NTRK2: variants seen among roughly 807,000 people sequenced by gnomAD.
NTRK2 encodes the protein neurotrophic receptor tyrosine kinase 2, also known as BDNF/NT-3 growth factors receptor.
In NTRK2, 13 loss-of-function variants were observed where a neutral mutation model predicts 94.5. That is an observed-to-expected ratio of 0.14 (90% CI 0.09 to 0.22). The LOEUF (loss-of-function observed/expected upper bound fraction) is 0.22. Among genes scored for constraint, NTRK2 ranks in the 10% least tolerant of loss-of-function variants. The probability of loss-of-function intolerance (pLI) is 1.00; values close to 1 mark genes in which losing one functional copy is unlikely to be tolerated. For missense variants in NTRK2, 639 were observed against 1,071.2 expected, an observed-to-expected ratio of 0.60 and a Z score of 5.63; for synonymous variants, 372 against 407.4, an observed-to-expected ratio of 0.91 and a Z score of 1.05.
intron 17 of NTRK2, among the ~76,000 whole-genome samples, chr9:84,991,865 C>A (rs1829118136): frequency 6.6e-6 from 1 of 152,156 alleles, no homozygotes; most frequent in Non-Finnish European, 1.5e-5. Context: ...GGAGACCTCC[C>A]AGCCGTGCAC....
At chr9:84,810,409 AGT>A (rs2071642169) in intron 12 of NTRK2, 2 of 848,852 alleles carry the variant, frequency 2.4e-6, no homozygotes, top group Non-Finnish European at 3.8e-6. Flanking sequence ...TATGGTTTAA[AGT>A]GTATTCCATG....
At chr9:84,769,110 C>T (rs567117035) in intron 12 of NTRK2, among the ~76,000 whole-genome samples, 8 of 152,172 alleles carry the variant, frequency 5.3e-5, no homozygotes, top group South Asian at 2.1e-4. Context: ...GGATCTTTGT[C>T]GTAGGGTGTA....
chr9:84,786,219 C>G lies in NTRK2; in HGVS notation c.1396+34134C>G, dbSNP rs552408011. Among the ~76,000 whole-genome samples the G allele has an allele frequency of 2.6e-5, 4 of 152,286 alleles. No individual in the cohort carries two copies. The East Asian group carries it at 5.8e-4, about 22-fold the overall frequency. On this transcript the variant is annotated intron_variant, in intron 12 of 18. Transcript: ENST00000277120. ...TATGTGTGTTCCTTAGAATAACCAT[C>G]ACAACAATTATTGCTATTATTTATG...
chr9:84,804,273 C>T (rs903975648), intron 12 of NTRK2, among the ~76,000 whole-genome samples: 8 of 152,074 alleles, frequency 5.3e-5, no homozygotes, highest in Non-Finnish European at 4.4e-5. Flanking sequence ...CAATACCAAC[C>T]ACTTTAAAAA....
intron 14 of NTRK2, among the ~76,000 whole-genome samples, chr9:84,918,458 C>A (rs1564463088): frequency 1.3e-5 from 2 of 152,238 alleles, no homozygotes; most frequent in Non-Finnish European, 2.9e-5. Context: ...CAGGGATTCA[C>A]ATACCATGAC....
intron 15 of NTRK2, among the ~76,000 whole-genome samples, chr9:84,934,512 G>T (rs1281205821): frequency 1.3e-5 from 2 of 152,180 alleles, no homozygotes; most frequent in African/African-American, 4.8e-5. Context: ...AAGTCTGCAG[G>T]CTGTGAAGAG....
At chr9:84,787,297 TAAAACAAACAAACAAACAAAC>T (rs1182864128) in intron 12 of NTRK2, among the ~76,000 whole-genome samples, 3 of 151,712 alleles carry the variant, frequency 2.0e-5, no homozygotes, top group Non-Finnish European at 2.9e-5. Context: ...AAACTCCGTC[TAAAACAAACAAACAAACAAAC>T]AAAACAAACA....
At position 84,799,232 on chromosome 9, in the gene NTRK2, A is replaced by G. The variant is rs117465808; in HGVS notation, c.1396+47147A>G. 3.7e-3 allele frequency among the ~76,000 whole-genome samples: 567 copies of G among 151,978 alleles called. 13 individuals are homozygous for G. Among genetic ancestry groups the G allele is most frequent in the Non-Finnish European group, 3.0e-3 (207 of 67,962 alleles). On this transcript the variant is annotated intron_variant, in intron 12 of 18. Transcript: ENST00000277120. ...ATTAGAACAAGACTTTCATTCACCAAAGATCTACTCTGTGCCTTCAAGATC... is the reference window on the plus strand; with the variant it reads ...ATTAGAACAAGACTTTCATTCACCAGAGATCTACTCTGTGCCTTCAAGATC...
chr9:84,828,385 A>T (rs764980969), intron 12 of NTRK2, among the ~76,000 whole-genome samples: 9 of 152,226 alleles, frequency 5.9e-5, no homozygotes, highest in African/African-American at 4.8e-5. Flanking sequence ...ATTTATTTTT[A>T]TGACAGGGAA....
At position 85,025,479 on chromosome 9, in the gene NTRK2, C is replaced by T. The variant is rs1481407660; in HGVS notation, c.*4042C>T. 4.3e-6 allele frequency: 1 copy of T among 233,102 alleles called. No homozygotes were observed. The highest frequency in any genetic ancestry group is 8.5e-6 in the Non-Finnish European group (1 of 118,018). The allele number at this position is 233,102 out of a possible 1,614,324, so 14.4% of individuals were successfully genotyped here. ...GAGCAACTCTTAGGAATTCCCACATCCTAGAGTGAATGCACCAACTAACAG... is the reference window on the plus strand; with the variant it reads ...GAGCAACTCTTAGGAATTCCCACATTCTAGAGTGAATGCACCAACTAACAG... On this transcript the variant is annotated 3_prime_UTR_variant, in exon 19 of 19. Coordinates refer to ENST00000277120, the MANE Select transcript of NTRK2 (RefSeq NM_006180.6).
At chr9:84,893,443 G>C (rs537877584) in intron 14 of NTRK2, among the ~76,000 whole-genome samples, 1 of 152,136 alleles carries the variant, frequency 6.6e-6, no homozygotes, top group Non-Finnish European at 1.5e-5. Flanking sequence ...AGTCAGTTCT[G>C]ACTGCCCAGA....
chr9:84,934,036 G>A (rs766067169), intron 14 of NTRK2, 126 bp from the exon 15 acceptor site: 12 of 1,011,828 alleles, frequency 1.2e-5, no homozygotes, highest in South Asian at 2.7e-5. Flanking sequence ...CAGCTTCTTC[G>A]GTTCACTGTG....
intron 12 of NTRK2, among the ~76,000 whole-genome samples, chr9:84,836,778 C>T: frequency 6.7e-6 from 1 of 149,846 alleles, no homozygotes. Flanking sequence ...TCTGCGGTGG[C>T]ACTGAGGCTG....
intron 15 of NTRK2, among the ~76,000 whole-genome samples, 153 bp from the exon 16 acceptor site, chr9:84,948,309 G>A (rs953005685): frequency 3.2e-4 from 48 of 152,304 alleles, no homozygotes; most frequent in African/African-American, 1.1e-3. Context: ...ATATGCCTAA[G>A]GAGTTATTCC....
At chr9:84,913,434 T>G (rs572772874) in intron 14 of NTRK2, among the ~76,000 whole-genome samples, 1 of 152,300 alleles carries the variant, frequency 6.6e-6, no homozygotes, top group South Asian at 2.1e-4. Flanking sequence ...AATGTATAAT[T>G]TTTGCTTCAA....
At chr9:84,863,616 C>T (rs963137903) in intron 13 of NTRK2, among the ~76,000 whole-genome samples, 5 of 152,154 alleles carry the variant, frequency 3.3e-5, no homozygotes, top group Non-Finnish European at 7.3e-5. Context: ...TTCATTGTCC[C>T]GCTGAGAGCT....
Position 84,681,706 on chromosome 9 carries a change from C to A in NTRK2, c.212+10746C>A, listed in dbSNP as rs148078282. On this transcript the variant is annotated intron_variant, in intron 2 of 18. Coordinates refer to ENST00000277120, the MANE Select transcript of NTRK2 (RefSeq NM_006180.6). ...CAGTCTTGTCCCCTCTCTGCCCATA[C>A]GCCACACTGTAGCTGGAGCGGTCTA... Among the ~76,000 whole-genome samples, 3 of 152,298 alleles carry A rather than the reference C, an allele frequency of 2.0e-5. 1 individual carries two copies. The highest frequency in any genetic ancestry group is 2.9e-5 in the Non-Finnish European group (2 of 68,020).
chr9:84,715,804 G>T (rs1588129093), intron 6 of NTRK2, among the ~76,000 whole-genome samples: 1 of 152,032 alleles, frequency 6.6e-6, no homozygotes, highest in East Asian at 1.9e-4. Context: ...CTCAATTCCT[G>T]CACACTTAGA....
intron 4 of NTRK2, among the ~76,000 whole-genome samples, chr9:84,702,789 T>C (rs927337794): frequency 6.6e-6 from 1 of 152,252 alleles, no homozygotes; most frequent in African/African-American, 2.4e-5. Context: ...AGAAGCTGAC[T>C]TGGCCTTGGC....
Sources: gnomAD v4.1 joint callset for allele counts (sites outside exome capture counted in the v4.1 genomes callset) on GRCh38, gnomAD v4.1.1 for gene constraint, MANE v1.5 for transcripts, NCBI Gene and HGNC (gene_info 2026-07-23, HGNC 2026-07-21) for gene names.